CLCN5: variants seen among roughly 807,000 people sequenced by gnomAD.
CLCN5 encodes H(+)/Cl(-) exchange transporter 5.
A neutral mutation model predicts 54.0 loss-of-function variants in CLCN5; 17 were observed. The observed-to-expected ratio is 0.31, with a 90% CI of 0.22 to 0.47. CLCN5 has a LOEUF of 0.47. Among genes scored for constraint, CLCN5 ranks in the 20% least tolerant of loss-of-function variants. The pLI is 1.00. For synonymous variants in CLCN5, 222 were observed against 233.0 expected (o/e 0.95, Z 0.43); for missense variants, 448 against 646.7 (o/e 0.69, Z 3.33).
intron 4 of CLCN5, among the ~76,000 whole-genome samples, chrX:50,046,476 A>C (rs1932399048): frequency 9.0e-6 from 1 of 111,668 alleles, no homozygotes; most frequent in Non-Finnish European, 1.9e-5. Context: ...GCAGCATGAG[A>C]GAGCCTTTTA....
intron 3 of CLCN5, among the ~76,000 whole-genome samples, chrX:50,037,202 C>G (rs1392020664): frequency 8.9e-6 from 1 of 112,061 alleles, no homozygotes; most frequent in Non-Finnish European, 1.9e-5. Context: ...AGGACTGTAG[C>G]TTGAGGGAGA....
intron 3 of CLCN5, among the ~76,000 whole-genome samples, chrX:50,018,703 T>C (rs190221081): frequency 8.9e-6 from 1 of 112,498 alleles, no homozygotes; most frequent in East Asian, 2.8e-4. Flanking sequence ...TATGTTGATT[T>C]ATATGATCAT....
intron 3 of CLCN5, among the ~76,000 whole-genome samples, chrX:49,956,679 G>A (rs1361690821): frequency 2.7e-5 from 3 of 111,862 alleles, no homozygotes; most frequent in Non-Finnish European, 5.6e-5. Flanking sequence ...ATTGTAAGCT[G>A]TAAAGTGATG....
intron 3 of CLCN5, among the ~76,000 whole-genome samples, chrX:49,974,685 G>A (rs1443217170): frequency 8.9e-6 from 1 of 111,813 alleles, no homozygotes; most frequent in East Asian, 2.8e-4. Flanking sequence ...TCTCCCAGAT[G>A]AAGTGCTTAT....
At position 50,081,811 on chromosome X, in the gene CLCN5, C is replaced by T; in HGVS notation, c.897C>T (p.Phe299=). 1.7e-6 allele frequency: 2 copies of T among 1,210,910 alleles called. No homozygotes were observed. The highest frequency in any genetic ancestry group is 2.2e-6 in the Non-Finnish European group (2 of 895,192). The part of the protein sequence containing the change: ...CCCGNILCHC[F]NKYRKNEAKR... ...GTGGGAACATCCTGTGCCACTGCTT[C>T]AACAAATACAGGAAGAATGAAGCCA... Residue 299 remains phenylalanine, a synonymous_variant, in exon 9 of 15, where the codon TTC becomes TTT. Coordinates refer to ENST00000376091, the MANE Select transcript of CLCN5 (RefSeq NM_001127898.4).
chrX:49,978,818 T>C (rs1485927486), intron 3 of CLCN5, among the ~76,000 whole-genome samples: 2 of 111,714 alleles, frequency 1.8e-5, no homozygotes, highest in African/African-American at 3.3e-5. Context: ...GCCTGTAGAC[T>C]CTCCCAAGAG....
intron 4 of CLCN5, among the ~76,000 whole-genome samples, chrX:50,067,124 T>TA (rs1361601406): frequency 9.0e-6 from 1 of 111,186 alleles, no homozygotes; most frequent in Non-Finnish European, 1.9e-5. Flanking sequence ...TGTAATCACT[T>TA]ACATTTGTAT....
chrX:50,046,055 A>G (rs1485076436), intron 4 of CLCN5, among the ~76,000 whole-genome samples: 1 of 112,690 alleles, frequency 8.9e-6, no homozygotes, highest in Non-Finnish European at 1.9e-5. Context: ...GAATGAATAA[A>G]TAAATTATGC....
chrX:50,064,913 G>C (rs1460808255), intron 4 of CLCN5, among the ~76,000 whole-genome samples: 4 of 109,820 alleles, frequency 3.6e-5, no homozygotes, highest in Non-Finnish European at 5.7e-5. Flanking sequence ...AATGGGGAAA[G>C]GATTCCCTAT....
chrX:49,947,417 GC>G (rs1289506394), intron 3 of CLCN5, among the ~76,000 whole-genome samples: 1 of 110,268 alleles, frequency 9.1e-6, no homozygotes, highest in Non-Finnish European at 1.9e-5. Flanking sequence ...GAGGGTCTGG[GC>G]TCGAGTAGAG....
chrX:50,017,363 T>TA (rs1226041494), intron 3 of CLCN5, among the ~76,000 whole-genome samples: 1 of 112,409 alleles, frequency 8.9e-6, no homozygotes, highest in Non-Finnish European at 1.9e-5. Flanking sequence ...AAGAGTTTCT[T>TA]ACTTATTTTA....
At chrX:50,070,110 T>C (rs1276743100) in intron 5 of CLCN5, 80 bp downstream of exon 5, 1 of 946,135 alleles carries the variant, frequency 1.1e-6, no homozygotes, top group African/African-American at 1.9e-5. Flanking sequence ...TTCTATTCTT[T>C]CCTTTCTTCA....
chrX:50,009,027 A>G, intron 3 of CLCN5: 1 of 370,894 alleles, frequency 2.7e-6, no homozygotes, highest in Non-Finnish European at 5.4e-6. Context: ...CAAGGATTCA[A>G]AGAGGCTGAG....
chrX:50,025,430 AC>A (rs1931316889), intron 3 of CLCN5, among the ~76,000 whole-genome samples: 1 of 102,013 alleles, frequency 9.8e-6, no homozygotes. Context: ...TGCAGAAATC[AC>A]CCGTCTTCTG....
intron 3 of CLCN5, among the ~76,000 whole-genome samples, chrX:49,975,097 C>T (rs1928413918): frequency 8.9e-6 from 1 of 111,739 alleles, no homozygotes; most frequent in African/African-American, 3.3e-5. Context: ...TAATGGGTGC[C>T]ATGATAGGAG....
intron 3 of CLCN5, among the ~76,000 whole-genome samples, chrX:49,965,601 T>C (rs963194273): frequency 8.9e-6 from 1 of 112,032 alleles, no homozygotes; most frequent in East Asian, 2.8e-4. Flanking sequence ...CTGGATGCTT[T>C]TATTTCTTTG....
At chrX:49,940,596 C>A (rs1234788535) in intron 3 of CLCN5, among the ~76,000 whole-genome samples, 6 of 112,164 alleles carry the variant, frequency 5.3e-5, no homozygotes, top group African/African-American at 1.9e-4. Context: ...TTAGTCCCAC[C>A]CATAATACCT....
At chrX:49,982,568 A>C (rs1045109101) in intron 3 of CLCN5, among the ~76,000 whole-genome samples, 4 of 111,904 alleles carry the variant, frequency 3.6e-5, no homozygotes, top group Non-Finnish European at 7.5e-5. Context: ...AGTTACATAC[A>C]CATAAAGGCT....
At chrX:49,979,573 A>G (rs1421979871) in intron 3 of CLCN5, among the ~76,000 whole-genome samples, 1 of 111,933 alleles carries the variant, frequency 8.9e-6, no homozygotes, top group Non-Finnish European at 1.9e-5. Context: ...TTTGTTTGTC[A>G]GTGTCTTCCT....
Sources: gnomAD v4.1 joint callset for allele counts (sites outside exome capture counted in the v4.1 genomes callset) on GRCh38, gnomAD v4.1.1 for gene constraint, MANE v1.5 for transcripts, NCBI Gene and HGNC (gene_info 2026-07-23, HGNC 2026-07-21) for gene names.